PPM1H: variants seen among roughly 807,000 people sequenced by gnomAD.
PPM1H encodes protein phosphatase 1H.
In PPM1H, 27 loss-of-function variants were observed where a neutral mutation model predicts 54.9. The observed-to-expected ratio is 0.49, with a 90% CI of 0.36 to 0.68. The LOEUF is 0.68. PPM1H is among the 30% of genes least tolerant of loss of function. The probability of loss-of-function intolerance (pLI) is 0.00; values close to 1 mark genes in which losing one functional copy is unlikely to be tolerated. For synonymous variants in PPM1H, 305 were observed against 270.8 expected (o/e 1.13, Z -1.24); for missense variants, 596 against 667.8 (o/e 0.89, Z 1.19).
Position 62,832,099 on chromosome 12 carries a change from C to T in PPM1H, c.411+15G>A. On this transcript the variant is annotated intron_variant, in intron 2 of 9. Transcript: ENST00000228705. ...TTCTTCTCACCTGAGAACCAAGGAT[C>T]GAGAAGGGTCTTACCGAGTTCTCCT... The T allele has an allele frequency of 4.3e-6, 7 of 1,612,262 alleles. No homozygotes were observed. The highest frequency in any genetic ancestry group is 1.7e-4 in the Middle Eastern group (1 of 6,060).
chr12:62,908,422 A>AAAAAAAGAAAG (rs1284923713), intron 1 of PPM1H, among the ~76,000 whole-genome samples: 14 of 134,174 alleles, frequency 1.0e-4, no homozygotes, highest in East Asian at 2.1e-4. Context: ...AAAAAAAAAA[A>AAAAAAAGAAAG]AAAGAAAGAA....
intron 1 of PPM1H, among the ~76,000 whole-genome samples, chr12:62,919,111 AT>A (rs1486324112): frequency 1.3e-5 from 2 of 152,248 alleles, no homozygotes. Flanking sequence ...CATGAGTTTA[AT>A]TAAACTTGCA....
chr12:62,717,571 C>A (rs2076242452), intron 6 of PPM1H, among the ~76,000 whole-genome samples: 3 of 151,634 alleles, frequency 2.0e-5, no homozygotes, highest in Non-Finnish European at 4.4e-5. Context: ...ATAATCTAGT[C>A]CCTGAACTTA....
intron 4 of PPM1H, among the ~76,000 whole-genome samples, chr12:62,748,563 C>CAT (rs2076425238): frequency 6.7e-6 from 1 of 149,116 alleles, no homozygotes; most frequent in African/African-American, 2.5e-5. Context: ...CACACACACA[C>CAT]ACACGTGTGA....
chr12:62,716,680 C>T (rs184352457), intron 6 of PPM1H, among the ~76,000 whole-genome samples: 8 of 152,284 alleles, frequency 5.3e-5, no homozygotes, highest in Admixed American at 2.0e-4. Flanking sequence ...GCATATGCCA[C>T]CATGCCTGGC....
At chr12:62,801,035 T>C (rs913335344) in intron 3 of PPM1H, among the ~76,000 whole-genome samples, 2 of 152,176 alleles carry the variant, frequency 1.3e-5, no homozygotes, top group African/African-American at 4.8e-5. Flanking sequence ...CTGGCTCTGT[T>C]CTCCTCCAGC....
At chr12:62,849,692 T>C (rs1869107080) in intron 1 of PPM1H, among the ~76,000 whole-genome samples, 1 of 152,140 alleles carries the variant, frequency 6.6e-6, no homozygotes, top group Non-Finnish European at 1.5e-5. Context: ...TTCAAAGTAC[T>C]AAAATACTCT....
chr12:62,913,606 T>C lies in PPM1H; in HGVS notation c.245+20886A>G, dbSNP rs115678990. ...TTGTTCGGCTGGATGGGACTCCTGC[T>C]AGACAACTTCAGGAAAAGAGGTTTG... is the stretch of plus-strand genomic sequence containing the variant. On this transcript the variant is annotated intron_variant, in intron 1 of 9. Coordinates refer to ENST00000228705, the MANE Select transcript of PPM1H (RefSeq NM_020700.2). Among the ~76,000 whole-genome samples, 567 of 152,288 alleles carry C rather than the reference T, an allele frequency of 3.7e-3. 4 individuals are homozygous for C. Among genetic ancestry groups the C allele is most frequent in the African/African-American group, 0.013 (548 of 41,574 alleles).
At chr12:62,880,618 C>G (rs1443764015) in intron 1 of PPM1H, among the ~76,000 whole-genome samples, 1 of 152,234 alleles carries the variant, frequency 6.6e-6, no homozygotes, top group African/African-American at 2.4e-5. Context: ...GACTGGGAAT[C>G]AGCTGTAAAG....
chr12:62,711,817 G>A (rs1277824325), intron 6 of PPM1H, among the ~76,000 whole-genome samples: 2 of 152,102 alleles, frequency 1.3e-5, no homozygotes, highest in Non-Finnish European at 2.9e-5. Flanking sequence ...ATGATCAATG[G>A]GGAGCGAGCT....
chr12:62,702,492 A>C (rs2076149110), intron 6 of PPM1H, among the ~76,000 whole-genome samples: 1 of 151,622 alleles, frequency 6.6e-6, no homozygotes, highest in Non-Finnish European at 1.5e-5. Context: ...CATCATCAAC[A>C]TAAATCACTT....
At chr12:62,657,095 C>T (rs1481348639) in intron 9 of PPM1H, among the ~76,000 whole-genome samples, 2 of 152,106 alleles carry the variant, frequency 1.3e-5, no homozygotes, top group Non-Finnish European at 2.9e-5. Flanking sequence ...ATAACGACAA[C>T]TGTTGTCTGC....
intron 8 of PPM1H, among the ~76,000 whole-genome samples, chr12:62,683,315 C>A (rs1472319802): frequency 1.3e-5 from 2 of 151,944 alleles, no homozygotes; most frequent in African/African-American, 4.8e-5. Flanking sequence ...GACCACGTAC[C>A]ACATCTTGTT....
chr12:62,840,747 G>A (rs895992890), intron 1 of PPM1H, among the ~76,000 whole-genome samples: 23 of 152,158 alleles, frequency 1.5e-4, no homozygotes, highest in African/African-American at 5.3e-4. Flanking sequence ...ACTAGACCAC[G>A]AAATTTTATA....
intron 3 of PPM1H, among the ~76,000 whole-genome samples, chr12:62,795,221 T>C (rs2076725556): frequency 6.6e-6 from 1 of 152,164 alleles, no homozygotes; most frequent in African/African-American, 2.4e-5. Context: ...TTTTTTCTCT[T>C]CTGTTCGTCT....
At chr12:62,923,753 C>G (rs1871879700) in intron 1 of PPM1H, among the ~76,000 whole-genome samples, 1 of 152,096 alleles carries the variant, frequency 6.6e-6, no homozygotes, top group Non-Finnish European at 1.5e-5. Context: ...GAGTTATAAT[C>G]AAAATAAAGG....
chr12:62,850,009 G>A (rs766337528), intron 1 of PPM1H, among the ~76,000 whole-genome samples: 28 of 152,150 alleles, frequency 1.8e-4, no homozygotes, highest in Middle Eastern at 3.4e-3. Flanking sequence ...CACCCAGGCT[G>A]GAGTGCAGTG....
chr12:62,755,375 T>C (rs1221748597), intron 4 of PPM1H: 10 of 817,994 alleles, frequency 1.2e-5, no homozygotes, highest in Non-Finnish European at 2.1e-5. Flanking sequence ...CAGTATGATT[T>C]TGTCTGTGGC....
chr12:62,741,169 G>A lies in PPM1H; in HGVS notation c.870-3583C>T, dbSNP rs1174786845. On this transcript the variant is annotated intron_variant, in intron 4 of 9. Coordinates refer to ENST00000228705, the MANE Select transcript of PPM1H (RefSeq NM_020700.2). ...ACCTAGTTGCTCGTCCCAGAAGACA[G>A]GCAGCCATTCTAGACTCCTCCCTTT... is the stretch of plus-strand genomic sequence containing the variant. Among the ~76,000 whole-genome samples the A allele has an allele frequency of 3.3e-5, 5 of 152,256 alleles. No homozygotes were observed. The South Asian group carries it at 6.2e-4, about 19-fold the overall frequency.
Sources: gnomAD v4.1 joint callset for allele counts (sites outside exome capture counted in the v4.1 genomes callset) on GRCh38, gnomAD v4.1.1 for gene constraint, MANE v1.5 for transcripts, NCBI Gene and HGNC (gene_info 2026-07-23, HGNC 2026-07-21) for gene names.